Variants in TTLL5 observed in about 807,000 individuals in gnomAD.
TTLL5 encodes tubulin polyglutamylase TTLL5.
A neutral mutation model predicts 168.4 loss-of-function variants in TTLL5; 132 were observed. The ratio of observed to expected loss-of-function variants is 0.78; its 90% CI spans 0.68 to 0.91. The LOEUF (loss-of-function observed/expected upper bound fraction) is 0.91, where lower values mean the gene tolerates loss of function less well. Among genes scored for constraint, TTLL5 ranks in the 40% least tolerant of loss-of-function variants. The pLI is 0.00. For synonymous variants in TTLL5, 546 were observed against 558.6 expected (o/e 0.98, Z 0.32); for missense variants, 1,545 against 1,581.5 (o/e 0.98, Z 0.39).
chr14:75,670,872 G>A (rs1883686132), intron 3 of TTLL5, among the ~76,000 whole-genome samples: 1 of 152,134 alleles, frequency 6.6e-6, no homozygotes, highest in Non-Finnish European at 1.5e-5. Context: ...TTTCTTGTTA[G>A]TGTTCTTTCA....
chr14:75,886,727 CTATT>C (rs1447616357), intron 30 of TTLL5: 1 of 1,597,906 alleles, frequency 6.3e-7, no homozygotes, highest in South Asian at 1.1e-5. Flanking sequence ...CCTTTCAAAA[CTATT>C]TGTGGTATTT....
intron 31 of TTLL5, among the ~76,000 whole-genome samples, chr14:75,944,014 C>T (rs1477885212): frequency 1.3e-5 from 2 of 152,172 alleles, no homozygotes; most frequent in Admixed American, 6.5e-5. Flanking sequence ...ACTTGTCTTT[C>T]GAGTCGCCTG....
rs546521756 is a variant in TTLL5, at chr14:75,669,540, C to T, written c.181+18C>T. The T allele has an allele frequency of 1.3e-4, 207 of 1,607,004 alleles. 2 individuals carry two copies. The South Asian group carries it at 2.1e-3, about 17-fold the overall frequency. ...AATTGGAGGTGCGTATAACCTCTCC[C>T]ACAGAGGACGGAGCTGGGCATGGCC... On this transcript the variant is annotated intron_variant, in intron 3 of 31. Coordinates refer to ENST00000298832, the MANE Select transcript of TTLL5 (RefSeq NM_015072.5).
At chr14:75,804,639 A>C (rs1490450762) in intron 27 of TTLL5, among the ~76,000 whole-genome samples, 1 of 152,178 alleles carries the variant, frequency 6.6e-6, no homozygotes, top group Non-Finnish European at 1.5e-5. Flanking sequence ...TAGTAGAAAA[A>C]GTTGTTGTTC....
chr14:75,954,208 G>A (rs951801458), intron 31 of TTLL5, among the ~76,000 whole-genome samples: 2 of 138,268 alleles, frequency 1.4e-5, no homozygotes, highest in Non-Finnish European at 3.0e-5. Context: ...AGCCGAGATC[G>A]CGCCACTGCA....
chr14:75,827,226 T>C (rs1364666567), intron 28 of TTLL5, among the ~76,000 whole-genome samples: 1 of 152,190 alleles, frequency 6.6e-6, no homozygotes, highest in Non-Finnish European at 1.5e-5. Flanking sequence ...TGGTATTTGC[T>C]ACACTGGGAC....
chr14:75,672,652 C>T (rs887061878), intron 3 of TTLL5, among the ~76,000 whole-genome samples: 2 of 152,148 alleles, frequency 1.3e-5, no homozygotes, highest in African/African-American at 2.4e-5. Context: ...TAATGCTGGC[C>T]TCATAGAATG....
Position 75,834,856 on chromosome 14 carries a change from A to G in TTLL5, c.3326+14695A>G, listed in dbSNP as rs140584209. Among the ~76,000 whole-genome samples, 110 of 152,290 alleles carry G rather than the reference A, an allele frequency of 7.2e-4. 1 individual carries two copies. The East Asian group carries it at 0.012, about 17-fold the overall frequency. ...TGAGGCAGGAGAATCACTTGAGCCCAGGAGTTTGAGACCAGCCTGGGCAGT... is the reference window on the plus strand; with the variant it reads ...TGAGGCAGGAGAATCACTTGAGCCCGGGAGTTTGAGACCAGCCTGGGCAGT... On this transcript the variant is annotated intron_variant, in intron 28 of 31. Coordinates refer to ENST00000298832, the MANE Select transcript of TTLL5 (RefSeq NM_015072.5).
At chr14:75,791,716 A>G (rs533692735) in intron 26 of TTLL5, among the ~76,000 whole-genome samples, 22 of 152,270 alleles carry the variant, frequency 1.4e-4, no homozygotes, top group African/African-American at 4.8e-4. Context: ...AATATTTTGT[A>G]TGTACTAAAT....
chr14:75,882,837 G>T lies in TTLL5; in HGVS notation c.3675G>T (p.Leu1225=), dbSNP rs1362482422. The T allele has an allele frequency of 1.9e-6, 3 of 1,614,014 alleles. No individual in the cohort carries two copies. The highest frequency in any genetic ancestry group is 2.5e-6 in the Non-Finnish European group (3 of 1,180,002). Residue 1225 remains leucine, a synonymous_variant, in exon 30 of 32, where the codon CTG becomes CTT. Coordinates refer to ENST00000298832, the MANE Select transcript of TTLL5 (RefSeq NM_015072.5). ...VVPPPSSCAS[L]VPKPPPNHEQ... is the part of the protein sequence containing the mutation. ...CACCTCCAAGTTCTTGCGCCTCCCT[G>T]GTTCCCAAACCCCCACCCAACCACG... is the stretch of plus-strand genomic sequence containing the variant.
intron 22 of TTLL5, among the ~76,000 whole-genome samples, 186 bp downstream of exon 22, chr14:75,775,816 T>C (rs1738199684): frequency 6.6e-6 from 1 of 152,182 alleles, no homozygotes; most frequent in Admixed American, 6.5e-5. Flanking sequence ...TGAAAAACTA[T>C]TTATTACTTC....
At chr14:75,822,082 C>G (rs907992372) in intron 28 of TTLL5, among the ~76,000 whole-genome samples, 8 of 152,300 alleles carry the variant, frequency 5.3e-5, no homozygotes, top group African/African-American at 1.9e-4. Flanking sequence ...AGTGAATTCT[C>G]AGAGGTCTTT....
At chr14:75,795,429 T>G (rs1892949443) in intron 27 of TTLL5, among the ~76,000 whole-genome samples, 1 of 152,154 alleles carries the variant, frequency 6.6e-6, no homozygotes, top group Admixed American at 6.6e-5. Context: ...ACATACGATT[T>G]TTTTTATTTC....
intron 9 of TTLL5, among the ~76,000 whole-genome samples, chr14:75,708,280 T>C (rs1439121893): frequency 6.6e-6 from 1 of 152,006 alleles, no homozygotes; most frequent in African/African-American, 2.4e-5. Flanking sequence ...AAGGTATTAA[T>C]TGAGGGTTTT....
At chr14:75,735,427 A>C in intron 15 of TTLL5, 138 bp downstream of exon 15, 1 of 737,054 alleles carries the variant, frequency 1.4e-6, no homozygotes, top group Non-Finnish European at 2.4e-6. Context: ...GACAGGAGGC[A>C]GTTATATTCA....
chr14:75,760,422 A>G (rs967492277), intron 18 of TTLL5, among the ~76,000 whole-genome samples: 1 of 152,066 alleles, frequency 6.6e-6, no homozygotes, highest in Non-Finnish European at 1.5e-5. Context: ...CCTCAAATTG[A>G]TATAAAGATC....
At chr14:75,834,445 G>T (rs182910901) in intron 28 of TTLL5, among the ~76,000 whole-genome samples, 1 of 152,168 alleles carries the variant, frequency 6.6e-6, no homozygotes, top group African/African-American at 2.4e-5. Flanking sequence ...AAACATTTCT[G>T]CATCTTTATA....
chr14:75,878,271 AG>A (rs2031606412), intron 29 of TTLL5, among the ~76,000 whole-genome samples: 1 of 152,222 alleles, frequency 6.6e-6, no homozygotes, highest in Non-Finnish European at 1.5e-5. Flanking sequence ...TTAAGTTAAA[AG>A]GGTTTTTTTC....
At chr14:75,897,395 A>G (rs1311237559) in intron 30 of TTLL5, among the ~76,000 whole-genome samples, 1 of 152,206 alleles carries the variant, frequency 6.6e-6, no homozygotes, top group Non-Finnish European at 1.5e-5. Context: ...CATGTGTCTT[A>G]TTATAGTTTT....
Sources: gnomAD v4.1 joint callset for allele counts (sites outside exome capture counted in the v4.1 genomes callset) on GRCh38, gnomAD v4.1.1 for gene constraint, MANE v1.5 for transcripts, NCBI Gene and HGNC (gene_info 2026-07-23, HGNC 2026-07-21) for gene names.